Variants in LRP1B observed in about 807,000 individuals in gnomAD.
The protein encoded by LRP1B is LDL receptor related protein 1B, also known as low-density lipoprotein receptor-related protein 1B.
In LRP1B, 217 loss-of-function variants were observed where a neutral mutation model predicts 556.6. The observed-to-expected ratio is 0.39, with a 90% CI of 0.35 to 0.44. The LOEUF (loss-of-function observed/expected upper bound fraction) is 0.44, where lower values mean the gene tolerates loss of function less well. Among genes scored for constraint, LRP1B ranks in the 20% least tolerant of loss-of-function variants. The probability of loss-of-function intolerance (pLI) is 1.00; values close to 1 mark genes in which losing one functional copy is unlikely to be tolerated. For synonymous variants in LRP1B, 2,047 were observed against 1,865.8 expected (o/e 1.10, Z -2.50); for missense variants, 5,053 against 5,620.8 (o/e 0.90, Z 3.23).
At chr2:142,063,254 G>T (rs553112481) in intron 1 of LRP1B, among the ~76,000 whole-genome samples, 82 of 151,616 alleles carry the variant, frequency 5.4e-4, no homozygotes, top group Non-Finnish European at 7.5e-4. Context: ...CCATGAATTT[G>T]CAATTGATGG....
chr2:140,660,644 C>T (rs908219144), intron 41 of LRP1B, among the ~76,000 whole-genome samples: 1 of 151,976 alleles, frequency 6.6e-6, no homozygotes, highest in Non-Finnish European at 1.5e-5. Flanking sequence ...TGTTTATGTG[C>T]GTTATATGAG....
intron 14 of LRP1B, among the ~76,000 whole-genome samples, chr2:141,009,918 G>A (rs1339325325): frequency 1.3e-5 from 2 of 151,954 alleles, no homozygotes; most frequent in Non-Finnish European, 2.9e-5. Context: ...ATCTGAATCT[G>A]AATCTTAGTT....
At chr2:141,395,695 G>A (rs1690216903) in intron 3 of LRP1B, among the ~76,000 whole-genome samples, 1 of 152,068 alleles carries the variant, frequency 6.6e-6, no homozygotes, top group Non-Finnish European at 1.5e-5. Context: ...AGCAGAAAAG[G>A]TAAGGAGAGA....
chr2:141,855,269 T>TA (rs199609059), intron 1 of LRP1B, among the ~76,000 whole-genome samples: 53 of 151,152 alleles, frequency 3.5e-4, no homozygotes, highest in East Asian at 1.4e-3. Flanking sequence ...CTGTTGTTCA[T>TA]AAAAAAAAAC....
At chr2:142,093,134 C>A (rs1487624817) in intron 1 of LRP1B, among the ~76,000 whole-genome samples, 1 of 152,060 alleles carries the variant, frequency 6.6e-6, no homozygotes. Flanking sequence ...GCTTTGAAGT[C>A]TTTCTCCATC....
chr2:140,909,520 TA>T (rs1391271556), intron 21 of LRP1B, among the ~76,000 whole-genome samples: 7 of 151,458 alleles, frequency 4.6e-5, no homozygotes, highest in Non-Finnish European at 8.9e-5. Flanking sequence ...AAAATACTCT[TA>T]AAATAAGAAT....
At chr2:141,632,525 C>G (rs1173652809) in intron 2 of LRP1B, among the ~76,000 whole-genome samples, 3 of 152,144 alleles carry the variant, frequency 2.0e-5, no homozygotes, top group African/African-American at 7.2e-5. Context: ...CAGTGCTATA[C>G]TATTCTATTT....
chr2:142,017,462 T>G (rs1703185005), intron 1 of LRP1B, among the ~76,000 whole-genome samples: 1 of 152,230 alleles, frequency 6.6e-6, no homozygotes, highest in Non-Finnish European at 1.5e-5. Context: ...TGATTTTAAA[T>G]GTGGTAATTC....
rs528089457 is a variant in LRP1B at position 140,828,564 on chromosome 2, G to C, written c.5209+11427C>G. On this transcript the variant is annotated intron_variant, in intron 31 of 90. Transcript: ENST00000389484. The stretch of plus-strand genomic sequence containing the variant: ...GCGGAGCTTGCAGTGAGCCGAGATC[G>C]CGCCACTGCACTCCAGCCTGGGCGA... Among the ~76,000 whole-genome samples the C allele has an allele frequency of 8.2e-5, 10 of 122,014 alleles. No individual in the cohort carries two copies. In the South Asian group the frequency reaches 2.8e-3, roughly 34 times the overall value. The allele number at this position is 122,014 out of a possible 152,430, so 80.0% of individuals were successfully genotyped here. A position where few individuals can be genotyped will look rare whatever the true frequency, so the allele number is the denominator to read the frequency against.
At chr2:141,395,312 AC>A (rs1220238348) in intron 3 of LRP1B, among the ~76,000 whole-genome samples, 1 of 152,066 alleles carries the variant, frequency 6.6e-6, no homozygotes, top group Non-Finnish European at 1.5e-5. Flanking sequence ...TATCTGTTAT[AC>A]TATAATTTTA....
chr2:140,291,318 A>ATATATATTTTTTT (rs369391920), intron 84 of LRP1B, among the ~76,000 whole-genome samples: 8,265 of 109,162 alleles, frequency 0.076, 720 homozygotes, highest in Admixed American at 0.18. Flanking sequence ...ATATATATAT[A>ATATATATTTTTTT]TTTTTATTAT....
At position 141,325,044 on chromosome 2, in the gene LRP1B, T is replaced by A. The variant is rs143892985; in HGVS notation, c.344-70403A>T. Among the ~76,000 whole-genome samples, 560 of 152,198 alleles carry A rather than the reference T, an allele frequency of 3.7e-3. 3 individuals carry two copies. Among genetic ancestry groups the A allele is most frequent in the African/African-American group, 0.013 (522 of 41,574 alleles). ...AGGAAACTGGATTAGAAAGGACTCT[T>A]CTTGCAAATAAAATATTTGTAATAA... is the stretch of plus-strand genomic sequence containing the variant. On this transcript the variant is annotated intron_variant, in intron 3 of 90. Coordinates refer to ENST00000389484, the MANE Select transcript of LRP1B (RefSeq NM_018557.3).
At position 140,995,761 on chromosome 2, in the gene LRP1B, A is replaced by G. The variant is rs529134449; in HGVS notation, c.2504-1626T>C. 1.4e-4 allele frequency among the ~76,000 whole-genome samples: 21 copies of G among 152,138 alleles called. No individual in the cohort carries two copies. The East Asian group carries it at 2.9e-3, about 21-fold the overall frequency. On this transcript the variant is annotated intron_variant, in intron 15 of 90. Transcript: ENST00000389484. ...TTATGTTAATCAAAACTATCTTTTTATGTTTTGGGATTCTATGCAGTGTTT... is the reference window on the plus strand; with the variant it reads ...TTATGTTAATCAAAACTATCTTTTTGTGTTTTGGGATTCTATGCAGTGTTT...
chr2:141,722,734 ATAGATAGATAG>A (rs1692872636), intron 2 of LRP1B, among the ~76,000 whole-genome samples: 1 of 80,894 alleles, frequency 1.2e-5, no homozygotes, highest in African/African-American at 3.9e-5. Context: ...AGATACATAG[ATAGATAGATAG>A]ATAGATAGAT....
intron 5 of LRP1B, among the ~76,000 whole-genome samples, chr2:141,243,693 A>G (rs1573703173): frequency 6.6e-6 from 1 of 152,184 alleles, no homozygotes; most frequent in African/African-American, 2.4e-5. Flanking sequence ...AAAAACACAT[A>G]GTATCAAGTA....
At chr2:141,822,061 AT>A (rs1696766365) in intron 1 of LRP1B, among the ~76,000 whole-genome samples, 1 of 150,608 alleles carries the variant, frequency 6.6e-6, no homozygotes, top group East Asian at 2.0e-4. Flanking sequence ...ACACAGACCT[AT>A]TTGGAACTGC....
chr2:140,666,229 G>A (rs1374223539), intron 41 of LRP1B, among the ~76,000 whole-genome samples: 8 of 151,634 alleles, frequency 5.3e-5, no homozygotes, highest in South Asian at 4.2e-4. Context: ...TCCTGACCTC[G>A]TTATCTATCT....
chr2:141,629,274 A>T (rs1372773667), intron 2 of LRP1B, among the ~76,000 whole-genome samples: 1 of 152,246 alleles, frequency 6.6e-6, no homozygotes, highest in Non-Finnish European at 1.5e-5. Flanking sequence ...AGATGGTGAG[A>T]AACCATCAAA....
chr2:140,852,920 A>G (rs1356369757), intron 27 of LRP1B, among the ~76,000 whole-genome samples: 1 of 152,010 alleles, frequency 6.6e-6, no homozygotes, highest in Non-Finnish European at 1.5e-5. Context: ...AAAAGTCACT[A>G]GAACTAGGCT....
Sources: gnomAD v4.1 joint callset for allele counts (sites outside exome capture counted in the v4.1 genomes callset) on GRCh38, gnomAD v4.1.1 for gene constraint, MANE v1.5 for transcripts, NCBI Gene and HGNC (gene_info 2026-07-23, HGNC 2026-07-21) for gene names.